The following NGEF variants were observed in gnomAD, a reference collection of about 807,000 sequenced individuals.
NGEF encodes neuronal guanine nucleotide exchange factor, also known as ephexin-1.
A neutral mutation model predicts 80.9 loss-of-function variants in NGEF; 31 were observed. The observed-to-expected ratio is 0.38, with a 90% CI of 0.29 to 0.52. The LOEUF (loss-of-function observed/expected upper bound fraction) is 0.52, where lower values mean the gene tolerates loss of function less well. NGEF is among the 20% of genes least tolerant of loss of function. NGEF has a pLI of 0.84. For synonymous variants in NGEF, 371 were observed against 370.2 expected, an observed-to-expected ratio of 1.00 and a Z score of -0.03; for missense variants, 709 against 926.2, an observed-to-expected ratio of 0.77 and a Z score of 3.04.
At chr2:232,953,373 GAGAAA>G (rs1252098075) in intron 3 of NGEF, among the ~76,000 whole-genome samples, 1 of 93,014 alleles carries the variant, frequency 1.1e-5, no homozygotes. Context: ...AAGAGAGAGA[GAGAAA>G]AGTGACCAGT....
At chr2:232,999,790 G>A (rs1337975506) in intron 1 of NGEF, among the ~76,000 whole-genome samples, 2 of 152,206 alleles carry the variant, frequency 1.3e-5, no homozygotes, top group African/African-American at 4.8e-5. Context: ...GCCCAGTGGG[G>A]ATGTTTATGT....
chr2:232,914,388 T>G (rs1265840521), intron 5 of NGEF, among the ~76,000 whole-genome samples: 1 of 152,216 alleles, frequency 6.6e-6, no homozygotes, highest in Non-Finnish European at 1.5e-5. Flanking sequence ...ACGGAGCTAG[T>G]GACTATTGGA....
intron 12 of NGEF, 36 bp downstream of exon 12, chr2:232,883,275 C>T (rs372671622): frequency 7.2e-5 from 112 of 1,548,772 alleles, no homozygotes; most frequent in Non-Finnish European, 9.4e-5. Flanking sequence ...AAAGGTGCCA[C>T]GGGTAGCACT....
intron 1 of NGEF, among the ~76,000 whole-genome samples, chr2:232,985,567 A>T (rs1316308385): frequency 3.3e-5 from 5 of 151,978 alleles, no homozygotes; most frequent in Non-Finnish European, 7.4e-5. Context: ...CCTGGCTAAC[A>T]TGGTGAAACC....
intron 3 of NGEF, among the ~76,000 whole-genome samples, chr2:232,962,847 C>T: frequency 6.6e-6 from 1 of 151,722 alleles, no homozygotes; most frequent in East Asian, 1.9e-4. Flanking sequence ...ATTCAGGTGT[C>T]AATGATCTCT....
chr2:232,979,664 G>T (rs1035659391), intron 1 of NGEF, among the ~76,000 whole-genome samples: 9 of 152,154 alleles, frequency 5.9e-5, no homozygotes, highest in South Asian at 2.1e-4. Context: ...TTGAGGGAGG[G>T]TGCAGCTCAT....
intron 5 of NGEF, among the ~76,000 whole-genome samples, chr2:232,906,525 GGGTCAGCCCCCCGCCC>G (rs1214064939): frequency 9.3e-5 from 2 of 21,444 alleles, no homozygotes; most frequent in Non-Finnish European, 9.6e-5. Flanking sequence ...GGAGGTGGGG[GGGTCAGCCCCCCGCCC>G]GGTCAGCCGC....
intron 10 of NGEF, 69 bp from the exon 11 acceptor site, chr2:232,884,213 C>A: frequency 7.0e-7 from 1 of 1,437,658 alleles, no homozygotes; most frequent in Non-Finnish European, 9.1e-7. Context: ...GCCCCCAGGG[C>A]TGCGTCTGTC....
intron 1 of NGEF, among the ~76,000 whole-genome samples, chr2:232,976,174 C>T (rs886241145): frequency 7.9e-5 from 12 of 152,306 alleles, no homozygotes; most frequent in African/African-American, 2.4e-4. Flanking sequence ...GCACTCCAGC[C>T]TGGGCAACAG....
intron 1 of NGEF, among the ~76,000 whole-genome samples, chr2:232,995,358 G>A (rs1002688759): frequency 6.6e-5 from 1 of 15,100 alleles, no homozygotes; most frequent in African/African-American, 4.3e-4. Context: ...TATGTATACT[G>A]TATACTGTAT....
At chr2:232,960,464 T>C (rs1693926219) in intron 3 of NGEF, among the ~76,000 whole-genome samples, 1 of 152,122 alleles carries the variant, frequency 6.6e-6, no homozygotes, top group South Asian at 2.1e-4. Context: ...GTGATTACCC[T>C]GGCCATACCT....
chr2:232,903,687 T>C (rs1692420177), intron 5 of NGEF, among the ~76,000 whole-genome samples: 1 of 152,336 alleles, frequency 6.6e-6, no homozygotes, highest in African/African-American at 2.4e-5. Context: ...AATGGCCACG[T>C]CCACCTCAAA....
At chr2:233,011,933 C>A (rs111605759) in intron 1 of NGEF, among the ~76,000 whole-genome samples, 4 of 152,096 alleles carry the variant, frequency 2.6e-5, no homozygotes, top group Non-Finnish European at 4.4e-5. Flanking sequence ...GAGGAGAGTG[C>A]GGTGGAGGGA....
chr2:232,903,156 C>T (rs1692404814), intron 5 of NGEF, among the ~76,000 whole-genome samples: 2 of 152,192 alleles, frequency 1.3e-5, no homozygotes, highest in South Asian at 4.1e-4. Context: ...ATTTAAAGAA[C>T]ATTTAACCTT....
rs939606447 is a variant in NGEF, at chr2:232,878,906, T to C, written c.*583A>G. 6.6e-6 allele frequency: 1 copy of C among 152,408 alleles called. No homozygotes were observed. Among genetic ancestry groups the C allele is most frequent in the African/African-American group, 2.4e-5 (1 of 41,414 alleles). 9.4% of individuals were successfully genotyped at this position (152,408 alleles called of 1,614,324 possible). On this transcript the variant is annotated 3_prime_UTR_variant, in exon 15 of 15. Coordinates refer to ENST00000264051, the MANE Select transcript of NGEF (RefSeq NM_019850.3). ...CAGCCAAGCTCTGGCAGGCCTGCCATGGGGCAGGGCCTGACCGTGCAGCCA... is the reference window on the plus strand; with the variant it reads ...CAGCCAAGCTCTGGCAGGCCTGCCACGGGGCAGGGCCTGACCGTGCAGCCA...
intron 3 of NGEF, among the ~76,000 whole-genome samples, chr2:232,945,858 A>C (rs56713862): frequency 0.29 from 43,311 of 151,704 alleles, 6,367 homozygotes; most frequent in East Asian, 0.35. Flanking sequence ...CTCACAACAT[A>C]CTGATGTTGA....
At chr2:232,891,522 C>G in intron 7 of NGEF, 35 bp from the exon 8 acceptor site, 1 of 1,597,956 alleles carries the variant, frequency 6.3e-7, no homozygotes, top group Non-Finnish European at 8.5e-7. Context: ...GGTCTCTGAG[C>G]TGCAGGAGGC....
intron 3 of NGEF, among the ~76,000 whole-genome samples, chr2:232,930,014 C>T (rs897981478): frequency 2.0e-5 from 3 of 152,166 alleles, no homozygotes; most frequent in East Asian, 3.9e-4. Flanking sequence ...ACGTGCCTTT[C>T]GCCTTCTGCC....
At chr2:232,895,464 T>C (rs1301175332) in intron 5 of NGEF, among the ~76,000 whole-genome samples, 1 of 150,652 alleles carries the variant, frequency 6.6e-6, no homozygotes, top group Non-Finnish European at 1.5e-5. Context: ...GAGGCAGAGG[T>C]TGCAGTGAGC....
Sources: allele counts gnomAD v4.1 joint callset (sites outside exome capture counted in the v4.1 genomes callset), GRCh38; gene constraint gnomAD v4.1.1; transcripts MANE v1.5; gene names NCBI Gene and HGNC (gene_info 2026-07-23, HGNC 2026-07-21).